Variants in VWA8 observed in about 807,000 individuals in gnomAD.
VWA8 encodes von Willebrand factor A domain containing 8, also known as von Willebrand factor A domain-containing protein 8.
VWA8 carries 221 observed loss-of-function variants against 241.5 expected under a neutral mutation model. The observed-to-expected ratio is 0.91, with a 90% CI of 0.82 to 1.02. The LOEUF is 1.02. Ranked by LOEUF, VWA8 falls within the 50% of genes least tolerant of loss-of-function variation. The pLI, the probability that VWA8 is intolerant of heterozygous loss-of-function variation, is 0.00. For missense variants in VWA8, 2,322 were observed against 2,328.7 expected (o/e 1.00, Z 0.06); for synonymous variants, 852 against 827.1 (o/e 1.03, Z -0.52).
At chr13:41,910,595 A>AC (rs1593863171) in intron 3 of VWA8, among the ~76,000 whole-genome samples, 2 of 151,882 alleles carry the variant, frequency 1.3e-5, no homozygotes, top group Admixed American at 6.6e-5. Context: ...AAAAAAACAA[A>AC]AAAAAAAAAC....
intron 16 of VWA8, among the ~76,000 whole-genome samples, chr13:41,813,173 T>C (rs1231240165): frequency 1.3e-5 from 2 of 152,194 alleles, no homozygotes; most frequent in African/African-American, 2.4e-5. Flanking sequence ...AGTCGTAACA[T>C]GATTTTCAAA....
chr13:41,649,953 T>A (rs538943365), intron 37 of VWA8, among the ~76,000 whole-genome samples: 2 of 152,206 alleles, frequency 1.3e-5, no homozygotes, highest in Non-Finnish European at 2.9e-5. Flanking sequence ...ATCTAATTCC[T>A]TGGATTGTTC....
chr13:41,775,346 T>C (rs7999970), intron 20 of VWA8, among the ~76,000 whole-genome samples: 71,381 of 152,148 alleles, frequency 0.47, 19,043 homozygotes, highest in South Asian at 0.63. Flanking sequence ...TAGCAAATTA[T>C]ACTGAATACA....
chr13:41,926,404 T>C lies in VWA8; in HGVS notation c.242-14236A>G, dbSNP rs569950554. 14 of 544,140 alleles carry C rather than the reference T, an allele frequency of 2.6e-5. No homozygotes were observed. In the East Asian group the frequency reaches 6.1e-4, roughly 24 times the overall value. The allele number at this position is 544,140 out of a possible 1,614,324, so 33.7% of individuals were successfully genotyped here. ...TTCCTAAAGATTGAAACTCCCATGG[T>C]GAACATCATCCCGGGGGAGCTGTGG... On this transcript the variant is annotated intron_variant, in intron 2 of 44. Transcript: ENST00000379310.
intron 17 of VWA8, among the ~76,000 whole-genome samples, chr13:41,805,117 A>T (rs1467410080): frequency 6.6e-6 from 1 of 152,206 alleles, no homozygotes; most frequent in African/African-American, 2.4e-5. Context: ...ACAGAGTAGC[A>T]AAATGGATTT....
chr13:41,860,096 A>G (rs1872941247), intron 12 of VWA8, among the ~76,000 whole-genome samples: 1 of 152,194 alleles, frequency 6.6e-6, no homozygotes, highest in African/African-American at 2.4e-5. Flanking sequence ...AAAGCAACTG[A>G]TTATTTACAT....
chr13:41,922,840 T>C (rs1174673029), intron 2 of VWA8, among the ~76,000 whole-genome samples: 3 of 148,000 alleles, frequency 2.0e-5, no homozygotes, highest in East Asian at 1.9e-4. Flanking sequence ...GTTAGTGGGA[T>C]TGTAAACTAG....
chr13:41,714,697 G>A (rs1433532939), intron 26 of VWA8, among the ~76,000 whole-genome samples: 1 of 151,916 alleles, frequency 6.6e-6, no homozygotes, highest in Non-Finnish European at 1.5e-5. Flanking sequence ...AAACTTAAAT[G>A]AGAATGAAGA....
At chr13:41,901,979 C>A (rs1875473298) in intron 4 of VWA8, among the ~76,000 whole-genome samples, 1 of 140,162 alleles carries the variant, frequency 7.1e-6, no homozygotes. Flanking sequence ...AGTATGATAG[C>A]AACATAACAA....
intron 4 of VWA8, chr13:41,905,345 T>C (rs574768445): frequency 1.5e-4 from 23 of 152,178 alleles, no homozygotes; most frequent in Non-Finnish European, 3.2e-4. Context: ...CAGTTAGATA[T>C]AAAATTATTA....
At chr13:41,769,612 T>C (rs2045804537) in intron 20 of VWA8, among the ~76,000 whole-genome samples, 1 of 152,228 alleles carries the variant, frequency 6.6e-6, no homozygotes, top group Non-Finnish European at 1.5e-5. Context: ...ATTGTTGTTG[T>C]TGTTGTTCTG....
chr13:41,888,262 A>G (rs1874642738), intron 5 of VWA8, among the ~76,000 whole-genome samples: 1 of 152,198 alleles, frequency 6.6e-6, no homozygotes, highest in South Asian at 2.1e-4. Flanking sequence ...CAGGATCTAC[A>G]GTATTGACTA....
At chr13:41,681,869 G>T (rs1381751109) in intron 35 of VWA8, among the ~76,000 whole-genome samples, 2 of 152,108 alleles carry the variant, frequency 1.3e-5, no homozygotes, top group Non-Finnish European at 2.9e-5. Flanking sequence ...TGGGGGTTGG[G>T]GGGAAGGGGT....
At chr13:41,699,022 C>A in intron 29 of VWA8, 49 bp downstream of exon 29, 1 of 1,608,684 alleles carries the variant, frequency 6.2e-7, no homozygotes, top group Non-Finnish European at 8.5e-7. Flanking sequence ...ATCACTCTTG[C>A]CTTTCATGTA....
chr13:41,947,409 C>T (rs1217997534), intron 2 of VWA8, among the ~76,000 whole-genome samples: 1 of 152,090 alleles, frequency 6.6e-6, no homozygotes, highest in Non-Finnish European at 1.5e-5. Flanking sequence ...TCCCAAAATA[C>T]TAAAAACTCA....
At chr13:41,716,508 A>C (rs112036629) in intron 26 of VWA8, among the ~76,000 whole-genome samples, 5 of 152,228 alleles carry the variant, frequency 3.3e-5, no homozygotes, top group South Asian at 2.1e-4. Context: ...GGTGCTGTAG[A>C]TAGCTACACA....
In VWA8 at chr13:41,747,989, A is replaced by T. The variant is rs2045623229; in HGVS notation, c.2426+13139T>A. Among the ~76,000 whole-genome samples the T allele has an allele frequency of 2.6e-5, 4 of 152,092 alleles. No individual in the cohort carries two copies. In the South Asian group the frequency reaches 8.3e-4, roughly 32 times the overall value. ...GATAAGCTTTTTGATGTGCTGCTGG[A>T]TTCGGTTTGCCAGTATTTTATTGAG... On this transcript the variant is annotated intron_variant, in intron 21 of 44. Transcript: ENST00000379310.
At chr13:41,612,120 T>C (rs1465050713) in intron 38 of VWA8, among the ~76,000 whole-genome samples, 1 of 152,240 alleles carries the variant, frequency 6.6e-6, no homozygotes, top group Non-Finnish European at 1.5e-5. Context: ...ATATCATAGA[T>C]ACTTAGTATA....
chr13:41,920,370 GA>G (rs1876461013), intron 2 of VWA8, among the ~76,000 whole-genome samples: 1 of 152,086 alleles, frequency 6.6e-6, no homozygotes. Context: ...TAAGCTGTTA[GA>G]AAGTGCTTCA....
Sources: gnomAD v4.1 joint callset for allele counts (sites outside exome capture counted in the v4.1 genomes callset) on GRCh38, gnomAD v4.1.1 for gene constraint, MANE v1.5 for transcripts, NCBI Gene and HGNC (gene_info 2026-07-23, HGNC 2026-07-21) for gene names.